The following RALGPS2 variants were observed in gnomAD, a reference collection of about 807,000 sequenced individuals.
The protein encoded by RALGPS2 is Ral GEF with PH domain and SH3 binding motif 2.
In RALGPS2, 43 loss-of-function variants were observed where a neutral mutation model predicts 86.8. The observed-to-expected ratio is 0.50, with a 90% CI of 0.39 to 0.64. The LOEUF is 0.64. RALGPS2 is among the 30% of genes least tolerant of loss of function. The pLI, the probability that RALGPS2 is intolerant of heterozygous loss-of-function variation, is 0.00. For missense variants in RALGPS2, 536 were observed against 694.6 expected (o/e 0.77, Z 2.57); for synonymous variants, 243 against 231.3 (o/e 1.05, Z -0.46).
intron 7 of RALGPS2, among the ~76,000 whole-genome samples, chr1:178,832,257 C>A (rs1305241126): frequency 6.6e-6 from 1 of 152,078 alleles, no homozygotes; most frequent in Non-Finnish European, 1.5e-5. Flanking sequence ...GACCCCTTGA[C>A]GTTGTATTTT....
intron 8 of RALGPS2, among the ~76,000 whole-genome samples, chr1:178,856,363 G>T (rs1215506038): frequency 7.1e-6 from 1 of 140,464 alleles, no homozygotes; most frequent in African/African-American, 2.7e-5. Flanking sequence ...AAGTAGCTAG[G>T]ACTACAGGCA....
At chr1:178,849,556 G>A (rs1480482014) in intron 8 of RALGPS2, 1 of 152,222 alleles carries the variant, frequency 6.6e-6, no homozygotes, top group Non-Finnish European at 1.5e-5. Context: ...CCTTGGTAAA[G>A]TTTTATTCAC....
At chr1:178,730,184 C>A (rs547153140) in intron 1 of RALGPS2, among the ~76,000 whole-genome samples, 1 of 152,118 alleles carries the variant, frequency 6.6e-6, no homozygotes, top group Non-Finnish European at 1.5e-5. Flanking sequence ...GTGATCCACC[C>A]GTTCTCCCTG....
intron 8 of RALGPS2, among the ~76,000 whole-genome samples, chr1:178,867,746 C>T (rs930029331): frequency 6.6e-6 from 1 of 151,800 alleles, no homozygotes; most frequent in Admixed American, 6.6e-5. Flanking sequence ...GACTCTTCTG[C>T]GGCAATTTCT....
At chr1:178,873,395 A>G (rs964915319) in intron 8 of RALGPS2, among the ~76,000 whole-genome samples, 1 of 151,626 alleles carries the variant, frequency 6.6e-6, no homozygotes, top group African/African-American at 2.4e-5. Flanking sequence ...AATAAAAATT[A>G]AGACACAGAG....
intron 18 of RALGPS2, among the ~76,000 whole-genome samples, chr1:178,906,416 G>A (rs1432013798): frequency 6.6e-6 from 1 of 152,018 alleles, no homozygotes; most frequent in Non-Finnish European, 1.5e-5. Context: ...TAAGTAGTAA[G>A]TATTCAGAAC....
chr1:178,804,095 AATTT>A (rs1654615774), intron 4 of RALGPS2, among the ~76,000 whole-genome samples: 1 of 143,662 alleles, frequency 7.0e-6, no homozygotes, highest in Non-Finnish European at 1.5e-5. Context: ...TTTCTAATTT[AATTT>A]AAGATTTTAT....
In RALGPS2 at chr1:178,856,884, C is replaced by T. The variant is rs776248592; in HGVS notation, c.608-20614C>T. On this transcript the variant is annotated intron_variant, in intron 8 of 19. Coordinates refer to ENST00000367635, the MANE Select transcript of RALGPS2 (RefSeq NM_152663.5). ...CGTTAAAAATAGTAGCCAATTTTAGCTCTTAACATAATTTGTATTCAGCTG... is the reference window on the plus strand; with the variant it reads ...CGTTAAAAATAGTAGCCAATTTTAGTTCTTAACATAATTTGTATTCAGCTG... 1.2e-4 allele frequency among the ~76,000 whole-genome samples: 19 copies of T among 152,110 alleles called. 1 individual carries two copies. Among genetic ancestry groups the T allele is most frequent in the Non-Finnish European group, 2.5e-4 (17 of 68,008 alleles).
At position 178,837,629 on chromosome 1, in the gene RALGPS2, A is replaced by T. The variant is rs188887721; in HGVS notation, c.607+4079A>T. Among the ~76,000 whole-genome samples, 89 of 152,276 alleles carry T rather than the reference A, an allele frequency of 5.8e-4. No individual in the cohort carries two copies. The East Asian group carries it at 0.016, about 28-fold the overall frequency. The stretch of plus-strand genomic sequence containing the variant: ...GAGCAACACAGAAGACAGGTGATTG[A>T]TGCATTTCCAACTGAGGTACCGGGT... On this transcript the variant is annotated intron_variant, in intron 8 of 19. Transcript: ENST00000367635.
chr1:178,863,349 C>CTA (rs1204545948), intron 8 of RALGPS2, among the ~76,000 whole-genome samples: 1 of 152,054 alleles, frequency 6.6e-6, no homozygotes, highest in Non-Finnish European at 1.5e-5. Context: ...AGACAGTTAA[C>CTA]TGTCTTCCAG....
At chr1:178,789,153 C>T (rs185966675) in intron 4 of RALGPS2, among the ~76,000 whole-genome samples, 340 of 152,238 alleles carry the variant, frequency 2.2e-3, no homozygotes, top group Non-Finnish European at 4.3e-3. Flanking sequence ...GTGATCCACC[C>T]GCCTTGGCCT....
At chr1:178,903,401 A>C (rs1481464969) in intron 18 of RALGPS2, among the ~76,000 whole-genome samples, 1 of 152,058 alleles carries the variant, frequency 6.6e-6, no homozygotes, top group Non-Finnish European at 1.5e-5. Flanking sequence ...ATCTGGTTAC[A>C]TGAGTAAGTT....
intron 3 of RALGPS2, among the ~76,000 whole-genome samples, 163 bp downstream of exon 3, chr1:178,784,685 G>A (rs887877948): frequency 6.6e-6 from 1 of 152,050 alleles, no homozygotes; most frequent in African/African-American, 2.4e-5. Context: ...GAGGGATGAA[G>A]TGGGAAAAGT....
chr1:178,912,979 A>T (rs181701089), intron 19 of RALGPS2, among the ~76,000 whole-genome samples: 31 of 152,194 alleles, frequency 2.0e-4, no homozygotes, highest in Middle Eastern at 6.8e-3. Context: ...TAATGCTTCC[A>T]ATTGCATTAT....
chr1:178,820,750 A>C (rs920596782), intron 6 of RALGPS2, among the ~76,000 whole-genome samples: 2 of 152,150 alleles, frequency 1.3e-5, no homozygotes, highest in East Asian at 1.9e-4. Context: ...ACATTCATTG[A>C]ATGGTTTTCC....
At chr1:178,837,603 T>C (rs112909098) in intron 8 of RALGPS2, among the ~76,000 whole-genome samples, 2 of 152,150 alleles carry the variant, frequency 1.3e-5, no homozygotes, top group Admixed American at 6.5e-5. Flanking sequence ...GCTCCCAGCA[T>C]GAGCAACACA....
intron 1 of RALGPS2, chr1:178,746,871 T>G (rs548106451): frequency 1.1e-5 from 13 of 1,182,710 alleles, no homozygotes; most frequent in Admixed American, 1.7e-5. Flanking sequence ...CAGTCACCTG[T>G]CAGTTTTTCT....
At chr1:178,892,411 T>A in intron 15 of RALGPS2, 104 bp downstream of exon 15, 1 of 927,452 alleles carries the variant, frequency 1.1e-6, no homozygotes, top group Non-Finnish European at 1.6e-6. Flanking sequence ...CTCAACTAAT[T>A]GATTTAAAAA....
intron 10 of RALGPS2, among the ~76,000 whole-genome samples, chr1:178,881,107 G>A (rs962133594): frequency 6.6e-6 from 1 of 152,130 alleles, no homozygotes; most frequent in Non-Finnish European, 1.5e-5. Flanking sequence ...CCCTCAAGAA[G>A]CTCAGTCTAA....
Sources: allele counts gnomAD v4.1 joint callset (sites outside exome capture counted in the v4.1 genomes callset), GRCh38; gene constraint gnomAD v4.1.1; transcripts MANE v1.5; gene names NCBI Gene and HGNC (gene_info 2026-07-23, HGNC 2026-07-21).